The following SETBP1 variants were observed in gnomAD, a reference collection of about 807,000 sequenced individuals.
SETBP1 encodes the protein SET-binding protein.
A neutral mutation model predicts 101.0 loss-of-function variants in SETBP1; 9 were observed. The observed-to-expected ratio is 0.09, with a 90% CI of 0.05 to 0.16. The LOEUF (loss-of-function observed/expected upper bound fraction) is 0.16. Among genes scored for constraint, SETBP1 ranks in the 10% least tolerant of loss-of-function variants. SETBP1 has a pLI of 1.00. For synonymous variants in SETBP1, 818 were observed against 788.5 expected, an observed-to-expected ratio of 1.04 and a Z score of -0.63; for missense variants, 1,858 against 2,033.8, an observed-to-expected ratio of 0.91 and a Z score of 1.66.
chr18:44,923,684 C>G (rs988717899), intron 3 of SETBP1, among the ~76,000 whole-genome samples: 4 of 152,202 alleles, frequency 2.6e-5, no homozygotes, highest in African/African-American at 9.6e-5. Flanking sequence ...GAACATTAAA[C>G]AGTTATCTTG....
At chr18:44,695,273 T>C (rs2068995953) in intron 1 of SETBP1, among the ~76,000 whole-genome samples, 1 of 152,044 alleles carries the variant, frequency 6.6e-6, no homozygotes, top group Non-Finnish European at 1.5e-5. Context: ...AAGGAATAAT[T>C]GAAGGGAACA....
chr18:45,031,995 G>A (rs1205153378), intron 4 of SETBP1, among the ~76,000 whole-genome samples: 1 of 152,060 alleles, frequency 6.6e-6, no homozygotes, highest in East Asian at 1.9e-4. Context: ...TGTAATTTCT[G>A]CTTTTGCTCT....
intron 3 of SETBP1, among the ~76,000 whole-genome samples, chr18:44,929,380 C>G (rs2070774634): frequency 6.6e-6 from 1 of 152,166 alleles, no homozygotes; most frequent in Non-Finnish European, 1.5e-5. Context: ...ATGCCTCCAG[C>G]TTTGTTCTTT....
intron 2 of SETBP1, among the ~76,000 whole-genome samples, chr18:44,865,610 T>G (rs2069111859): frequency 6.6e-6 from 1 of 152,198 alleles, no homozygotes; most frequent in Admixed American, 6.5e-5. Context: ...GGTGTGTAAT[T>G]TGTAGACTTA....
intron 5 of SETBP1, among the ~76,000 whole-genome samples, chr18:45,054,022 A>G (rs1432243165): frequency 6.6e-6 from 1 of 152,200 alleles, no homozygotes; most frequent in African/African-American, 2.4e-5. Flanking sequence ...CTACATTTCT[A>G]TCCAGCCTTC....
chr18:44,861,843 T>G (rs1392009597), intron 2 of SETBP1, among the ~76,000 whole-genome samples: 1 of 152,246 alleles, frequency 6.6e-6, no homozygotes, highest in Non-Finnish European at 1.5e-5. Flanking sequence ...TTCTTGCATC[T>G]AAAACAAATT....
intron 2 of SETBP1, among the ~76,000 whole-genome samples, chr18:44,784,649 C>G (rs1042753105): frequency 2.2e-4 from 34 of 152,212 alleles, no homozygotes; most frequent in Non-Finnish European, 4.6e-4. Flanking sequence ...GGAAGTTAAG[C>G]TCCAATAGAC....
At chr18:44,932,007 G>A (rs1568223838) in intron 3 of SETBP1, among the ~76,000 whole-genome samples, 3 of 152,166 alleles carry the variant, frequency 2.0e-5, no homozygotes, top group South Asian at 2.1e-4. Flanking sequence ...TATTTTGCTT[G>A]TTAGTTGATG....
chr18:44,781,365 G>T (rs1042110747), intron 2 of SETBP1, among the ~76,000 whole-genome samples: 1 of 151,804 alleles, frequency 6.6e-6, no homozygotes, highest in African/African-American at 2.4e-5. Context: ...TATTCTGATT[G>T]GCATAACTCC....
chr18:45,045,118 C>T (rs1465660968), intron 5 of SETBP1, among the ~76,000 whole-genome samples: 3 of 149,288 alleles, frequency 2.0e-5, no homozygotes, highest in African/African-American at 7.5e-5. Context: ...CCCGTCTTTA[C>T]TAAAAAAAAA....
intron 4 of SETBP1, among the ~76,000 whole-genome samples, chr18:44,958,515 TTAA>T (rs2071541633): frequency 6.6e-6 from 1 of 152,288 alleles, no homozygotes; most frequent in Non-Finnish European, 1.5e-5. Context: ...TAAATAAATC[TTAA>T]TAATGTAGTA....
chr18:44,744,324 G>C (rs2144493477), intron 2 of SETBP1, among the ~76,000 whole-genome samples: 3 of 152,366 alleles, frequency 2.0e-5, no homozygotes, highest in Middle Eastern at 3.4e-3. Flanking sequence ...AGCTCCACCA[G>C]GCAACCCGTT....
At chr18:44,806,623 C>CTTTTTTTTTTTT (rs71177656) in intron 2 of SETBP1, among the ~76,000 whole-genome samples, 3 of 27,828 alleles carry the variant, frequency 1.1e-4, no homozygotes, top group Non-Finnish European at 2.2e-4. Context: ...TAATGAGCTC[C>CTTTTTTTTTTTT]TTTTTTTTTT....
chr18:44,807,721 A>C (rs1237996775), intron 2 of SETBP1, among the ~76,000 whole-genome samples: 1 of 152,194 alleles, frequency 6.6e-6, no homozygotes, highest in Non-Finnish European at 1.5e-5. Flanking sequence ...TTATATTGCT[A>C]ATTTAGGGTG....
At chr18:45,027,680 G>C (rs1028524812) in intron 4 of SETBP1, among the ~76,000 whole-genome samples, 2 of 152,258 alleles carry the variant, frequency 1.3e-5, no homozygotes, top group South Asian at 4.1e-4. Context: ...ACACAATTGA[G>C]TGTTTACTAT....
Position 45,063,854 on chromosome 18 carries a change from C to A in SETBP1, c.*156C>A. ...ATCCGGCCAGACGACGGGGCTGAGC[C>A]ATCAGGAGCTCTTGGGAAAGCAAAG... On this transcript the variant is annotated 3_prime_UTR_variant, in exon 6 of 6. Coordinates refer to ENST00000649279, the MANE Select transcript of SETBP1 (RefSeq NM_015559.3). 1.3e-6 allele frequency: 1 copy of A among 757,934 alleles called. No individual in the cohort carries two copies. 47.0% of individuals were successfully genotyped at this position (757,934 alleles called of 1,614,324 possible).
intron 2 of SETBP1, among the ~76,000 whole-genome samples, chr18:44,742,974 CCCCT>C (rs2070133647): frequency 1.4e-5 from 2 of 139,164 alleles, no homozygotes; most frequent in South Asian, 2.3e-4. Context: ...TCTCTCTCCC[CCCCT>C]GTCCCGTTAC....
chr18:44,703,458 T>A (rs1446239723), intron 2 of SETBP1, among the ~76,000 whole-genome samples: 2 of 146,808 alleles, frequency 1.4e-5, no homozygotes, highest in African/African-American at 5.0e-5. Flanking sequence ...AGCACAGGGC[T>A]TGTGTCCATC....
At chr18:44,990,972 T>G (rs1282794390) in intron 4 of SETBP1, among the ~76,000 whole-genome samples, 1 of 137,686 alleles carries the variant, frequency 7.3e-6, no homozygotes, top group Non-Finnish European at 1.5e-5. Flanking sequence ...AGAAACGGGA[T>G]GGGAGTGGTG....
Sources: gnomAD v4.1 joint callset for allele counts (sites outside exome capture counted in the v4.1 genomes callset) on GRCh38, gnomAD v4.1.1 for gene constraint, MANE v1.5 for transcripts, NCBI Gene and HGNC (gene_info 2026-07-23, HGNC 2026-07-21) for gene names.